Variants in ADAM29 observed in about 807,000 individuals in gnomAD.
ADAM29 encodes the protein ADAM metallopeptidase domain 29.
For missense variants in ADAM29, 969 were observed against 1,001.8 expected, an observed-to-expected ratio of 0.97 and a Z score of 0.44; for synonymous variants, 367 against 342.3, an observed-to-expected ratio of 1.07 and a Z score of -0.80.
At chr4:174,962,288 G>C (rs1385267698) in intron 4 of ADAM29, among the ~76,000 whole-genome samples, 5 of 152,070 alleles carry the variant, frequency 3.3e-5, no homozygotes, top group Admixed American at 2.6e-4. Flanking sequence ...GGGGCGGGCA[G>C]ATCATGAGGT....
At chr4:174,968,616 A>G (rs1306603679) in intron 4 of ADAM29, among the ~76,000 whole-genome samples, 1 of 152,184 alleles carries the variant, frequency 6.6e-6, no homozygotes, top group Admixed American at 6.5e-5. Flanking sequence ...CATTCATGTC[A>G]TGTTCTATTC....
rs760244397 is a variant in ADAM29 at position 174,977,062 on chromosome 4, G to A, written c.1537G>A (p.Ala513Thr). 7 of 1,613,922 alleles carry A rather than the reference G, an allele frequency of 4.3e-6. No individual in the cohort carries two copies. The South Asian group carries it at 4.4e-5, about 10-fold the overall frequency. Reference protein sequence around the residue: ...EQCRRIFGAGANTASETCYKE... With the variant: ...EQCRRIFGAGTNTASETCYKE... ...GTGTAGGAGGATTTTTGGTGCAGGCGCAAATACTGCAAGTGAGACTTGCTA... is the reference window on the plus strand; with the variant it reads ...GTGTAGGAGGATTTTTGGTGCAGGCACAAATACTGCAAGTGAGACTTGCTA... Residue 513 changes from alanine to threonine, a missense_variant, in exon 5 of 5, where the codon GCA (alanine) becomes ACA (threonine). Ala to Thr is a moderately conservative substitution (Grantham distance 58). Transcript: ENST00000359240.
At chr4:174,950,911 G>C (rs1175949683) in intron 4 of ADAM29, among the ~76,000 whole-genome samples, 1 of 151,928 alleles carries the variant, frequency 6.6e-6, no homozygotes, top group Non-Finnish European at 1.5e-5. Context: ...TCTCTCTCCT[G>C]CTCCCCCATG....
At chr4:174,923,445 C>A (rs537393625) in intron 2 of ADAM29, among the ~76,000 whole-genome samples, 60 of 149,790 alleles carry the variant, frequency 4.0e-4, no homozygotes, top group African/African-American at 1.4e-3. Flanking sequence ...CTGTTAGGAG[C>A]TGTTTCTTCA....
intron 4 of ADAM29, among the ~76,000 whole-genome samples, chr4:174,957,860 T>C (rs1247675901): frequency 1.3e-5 from 2 of 151,894 alleles, no homozygotes; most frequent in Admixed American, 6.6e-5. Context: ...TTTGTTTCTG[T>C]ATAATATTTT....
At position 174,928,138 on chromosome 4, in the gene ADAM29, A is replaced by G. The variant is rs112020026; in HGVS notation, c.-450-2848A>G. On this transcript the variant is annotated intron_variant, in intron 2 of 4. Transcript: ENST00000359240. The stretch of plus-strand genomic sequence containing the variant: ...GTATACAAAAACCTTCATTTTCTGG[A>G]TTTTACCTGTAAGGGATAATTGGAA... Among the ~76,000 whole-genome samples the G allele has an allele frequency of 5.5e-3, 844 of 152,116 alleles. 4 individuals are homozygous for G. The highest frequency in any genetic ancestry group is 0.018 in the African/African-American group (750 of 41,472).
At chr4:174,968,824 A>G (rs4128923) in intron 4 of ADAM29, among the ~76,000 whole-genome samples, 22,382 of 151,716 alleles carry the variant, frequency 0.15, 1,966 homozygotes, top group Non-Finnish European at 0.19. Flanking sequence ...TGTAATTTAG[A>G]TCGTGTTTGT....
At chr4:174,941,144 A>G (rs1378379671) in intron 4 of ADAM29, among the ~76,000 whole-genome samples, 2 of 152,192 alleles carry the variant, frequency 1.3e-5, no homozygotes, top group Non-Finnish European at 2.9e-5. Context: ...AAAAAGAAGA[A>G]ATTTCAAATT....
chr4:174,929,761 T>C (rs1201077980), intron 2 of ADAM29, among the ~76,000 whole-genome samples: 1 of 152,042 alleles, frequency 6.6e-6, no homozygotes, highest in Non-Finnish European at 1.5e-5. Context: ...CTCTCTTTTT[T>C]TTTTTTTTCA....
At chr4:174,965,524 A>ATCG (rs1746108439) in intron 4 of ADAM29, among the ~76,000 whole-genome samples, 2 of 99,156 alleles carry the variant, frequency 2.0e-5, no homozygotes, top group Non-Finnish European at 4.6e-5. Context: ...TCTATCTATC[A>ATCG]TCTATCATCT....
chr4:174,969,046 A>G (rs1431244877), intron 4 of ADAM29, among the ~76,000 whole-genome samples: 2 of 152,192 alleles, frequency 1.3e-5, no homozygotes, highest in East Asian at 1.9e-4. Context: ...AGAAAATTCA[A>G]CGTTCACAAA....
At chr4:174,947,892 G>T (rs1744943697) in intron 4 of ADAM29, among the ~76,000 whole-genome samples, 3 of 152,090 alleles carry the variant, frequency 2.0e-5, no homozygotes, top group African/African-American at 7.2e-5. Flanking sequence ...TCATATTTTT[G>T]TCTGACAGAG....
chr4:174,931,757 T>TA (rs796974896), intron 3 of ADAM29, among the ~76,000 whole-genome samples: 10 of 152,036 alleles, frequency 6.6e-5, no homozygotes, highest in African/African-American at 1.4e-4. Context: ...TATTTTCATT[T>TA]AAAAAAAATC....
intron 4 of ADAM29, among the ~76,000 whole-genome samples, chr4:174,949,662 C>T (rs945128428): frequency 6.6e-6 from 1 of 151,920 alleles, no homozygotes; most frequent in Admixed American, 6.6e-5. Context: ...GGATGCCAGT[C>T]TGCCCCGTAT....
At position 174,976,588 on chromosome 4, in the gene ADAM29, A is replaced by C; in HGVS notation, c.1063A>C (p.Ile355Leu). Reference protein sequence around the residue: ...DTCRCSQPRCIMHEGNPPITK... With the variant: ...DTCRCSQPRCLMHEGNPPITK... Reference sequence around the variant, plus strand: ...ATGTCGTTGTTCACAACCTAGATGCATAATGCATGAAGGCAACCCACCAAT... The same window carrying C: ...ATGTCGTTGTTCACAACCTAGATGCCTAATGCATGAAGGCAACCCACCAAT... Residue 355 changes from isoleucine (I) to leucine (L), a missense_variant, in exon 5 of 5, where the codon ATA becomes CTA. Transcript: ENST00000359240. 1 of 1,604,606 alleles carries C rather than the reference A, an allele frequency of 6.2e-7. No individual in the cohort carries two copies. The highest frequency in any genetic ancestry group is 8.5e-7 in the Non-Finnish European group (1 of 1,175,362).
intron 3 of ADAM29, among the ~76,000 whole-genome samples, chr4:174,935,309 G>T (rs4273448): frequency 0.89 from 134,782 of 152,104 alleles, 60,053 homozygotes; most frequent in East Asian, 0.96. Flanking sequence ...TTCCCATGTG[G>T]AATTCAGAAT....
rs141625671 is a variant in ADAM29, at chr4:174,976,308, T to C, written c.783T>C (p.Asp261=). ...WTNKNLIVVD[D]VRKSVHLYCK... is the part of the protein sequence containing the mutation. ...ATAAAAACCTCATTGTAGTAGATGA[T>C]GTAAGGAAATCTGTGCACCTGTATT... is the stretch of plus-strand genomic sequence containing the variant. Residue 261 remains aspartate, a synonymous_variant, in exon 5 of 5, where the codon GAT becomes GAC. Coordinates refer to ENST00000359240, the MANE Select transcript of ADAM29 (RefSeq NM_014269.4). 4.3e-6 allele frequency: 7 copies of C among 1,612,654 alleles called. No individual in the cohort carries two copies. The highest frequency in any genetic ancestry group is 1.7e-5 in the Admixed American group (1 of 59,714).
chr4:174,975,771 C>T lies in ADAM29; in HGVS notation c.246C>T (p.Thr82=). The change falls in exon 5 of 5, where the codon ACC becomes ACT. Residue 82 remains threonine (T), a synonymous_variant. Coordinates refer to ENST00000359240, the MANE Select transcript of ADAM29 (RefSeq NM_014269.4). ...LLFSKHLPVF[T]YTDQGAILED... is the part of the protein sequence containing the mutation. The stretch of plus-strand genomic sequence containing the variant: ...TTTCCAAACACCTCCCTGTGTTCAC[C>T]TACACAGACCAGGGTGCTATCCTTG... 6.2e-7 allele frequency: 1 copy of T among 1,614,044 alleles called. No individual in the cohort carries two copies. The highest frequency in any genetic ancestry group is 8.5e-7 in the Non-Finnish European group (1 of 1,179,988).
intron 4 of ADAM29, among the ~76,000 whole-genome samples, chr4:174,954,047 T>C (rs1222017331): frequency 1.3e-5 from 2 of 152,178 alleles, no homozygotes; most frequent in Non-Finnish European, 2.9e-5. Flanking sequence ...TCAGCTGTCA[T>C]TTCCATTCTG....
Sources: allele counts gnomAD v4.1 joint callset (sites outside exome capture counted in the v4.1 genomes callset), GRCh38; gene constraint gnomAD v4.1.1; transcripts MANE v1.5; gene names NCBI Gene and HGNC (gene_info 2026-07-23, HGNC 2026-07-21).